The following CCDC171 variants were observed in gnomAD, a reference collection of about 807,000 sequenced individuals.
The protein encoded by CCDC171 is coiled-coil domain-containing protein 171.
A neutral mutation model predicts 168.2 loss-of-function variants in CCDC171; 177 were observed. That is an observed-to-expected ratio of 1.05 (90% CI 0.93 to 1.19). CCDC171 has a LOEUF of 1.19. CCDC171 is among the 50% of genes most tolerant of loss of function. The probability of loss-of-function intolerance (pLI) is 0.00; values close to 1 mark genes in which losing one functional copy is unlikely to be tolerated. For missense variants in CCDC171, 1,991 were observed against 1,539.0 expected, an observed-to-expected ratio of 1.29 and a Z score of -4.91; for synonymous variants, 687 against 540.8, an observed-to-expected ratio of 1.27 and a Z score of -3.75.
chr9:15,870,960 A>G (rs2131168650), intron 23 of CCDC171, among the ~76,000 whole-genome samples: 1 of 151,506 alleles, frequency 6.6e-6, no homozygotes, highest in African/African-American at 2.4e-5. Context: ...TTATCTTGAA[A>G]TAAATATATT....
intron 3 of CCDC171, among the ~76,000 whole-genome samples, chr9:15,574,433 G>A (rs758816712): frequency 6.6e-6 from 1 of 151,810 alleles, no homozygotes; most frequent in African/African-American, 2.4e-5. Flanking sequence ...GTGAGCCACC[G>A]CGCCTGGCCA....
intron 7 of CCDC171, among the ~76,000 whole-genome samples, chr9:15,624,709 T>C (rs1334916464): frequency 1.3e-5 from 2 of 152,112 alleles, no homozygotes; most frequent in African/African-American, 4.8e-5. Flanking sequence ...ATCCAGTCTA[T>C]CATTGTTGGA....
chr9:15,955,238 T>G (rs1829670013), intron 25 of CCDC171, among the ~76,000 whole-genome samples: 1 of 152,146 alleles, frequency 6.6e-6, no homozygotes, highest in Non-Finnish European at 1.5e-5. Flanking sequence ...CATATGTAGT[T>G]GCTTTTAAAT....
chr9:15,776,702 A>T lies in CCDC171; in HGVS notation c.2672-898A>T, dbSNP rs376090506. On this transcript the variant is annotated intron_variant, in intron 18 of 25. Coordinates refer to ENST00000380701, the MANE Select transcript of CCDC171 (RefSeq NM_173550.4). ...CATTGGTTGATTACCGTCTCAGTCA[A>T]TGTTGCTCTTCAGTTGTTGAATTAT... Among the ~76,000 whole-genome samples, 196 of 152,304 alleles carry T rather than the reference A, an allele frequency of 1.3e-3. 7 individuals carry two copies. The South Asian group carries it at 0.04, about 31-fold the overall frequency.
chr9:15,832,138 T>C (rs150359287), intron 21 of CCDC171, among the ~76,000 whole-genome samples: 2 of 152,338 alleles, frequency 1.3e-5, no homozygotes, highest in East Asian at 1.9e-4. Flanking sequence ...GTCAAGTCTA[T>C]AAAGAATTTT....
the CCDC171 span, among the ~76,000 whole-genome samples, chr9:16,103,916 C>T: frequency 6.6e-6 from 1 of 152,138 alleles, no homozygotes; most frequent in African/African-American, 2.4e-5. Context: ...CAATAAAAAC[C>T]AGCTTTCTCT....
At chr9:16,092,982 T>C in the CCDC171 span, among the ~76,000 whole-genome samples, 1 of 152,020 alleles carries the variant, frequency 6.6e-6, no homozygotes, top group Non-Finnish European at 1.5e-5. Context: ...GCTGTGGGAG[T>C]TCATGGGCCC....
chr9:16,084,825 C>T, the CCDC171 span, among the ~76,000 whole-genome samples: 6 of 152,060 alleles, frequency 3.9e-5, no homozygotes, highest in Non-Finnish European at 7.4e-5. Flanking sequence ...TCCAGAAGGC[C>T]GGTGAGGTAA....
rs372638772 is a variant in CCDC171, at chr9:15,700,116, C to G, written c.1318+4779C>G. 4.7e-4 allele frequency among the ~76,000 whole-genome samples: 72 copies of G among 152,284 alleles called. 1 individual carries two copies. Among genetic ancestry groups the G allele is most frequent in the African/African-American group, 1.6e-3 (68 of 41,566 alleles). ...GGGGGCAGTGCTCATCAGGGAGGCTCCGGTGCACAGGAGCCCATGGAGGGG... is the reference window on the plus strand; with the variant it reads ...GGGGGCAGTGCTCATCAGGGAGGCTGCGGTGCACAGGAGCCCATGGAGGGG... On this transcript the variant is annotated intron_variant, in intron 11 of 25. Coordinates refer to ENST00000380701, the MANE Select transcript of CCDC171 (RefSeq NM_173550.4).
Position 15,564,940 on chromosome 9 carries a change from T to C in CCDC171, c.41+811T>C, listed in dbSNP as rs189613350. Among the ~76,000 whole-genome samples, 258 of 152,314 alleles carry C rather than the reference T, an allele frequency of 1.7e-3. 1 individual carries two copies. The highest frequency in any genetic ancestry group is 5.4e-3 in the African/African-American group (225 of 41,568). On this transcript the variant is annotated intron_variant, in intron 2 of 25. Coordinates refer to ENST00000380701, the MANE Select transcript of CCDC171 (RefSeq NM_173550.4). The stretch of plus-strand genomic sequence containing the variant: ...AAAATCATCATGGATGGGGTGAAGA[T>C]AGTCCTTCCTCATATTTAGTTTGAG...
intron 24 of CCDC171, among the ~76,000 whole-genome samples, chr9:15,911,890 C>G (rs1291533989): frequency 6.6e-6 from 1 of 152,144 alleles, no homozygotes; most frequent in Non-Finnish European, 1.5e-5. Context: ...GGCCTCTGTT[C>G]TGTTGCATTG....
chr9:15,653,166 TCTCGTTCC>T (rs201903310), intron 7 of CCDC171, among the ~76,000 whole-genome samples: 1,956 of 152,234 alleles, frequency 0.013, 33 homozygotes, highest in African/African-American at 0.043. Flanking sequence ...TTAGCTGGGG[TCTCGTTCC>T]TCTTGCCTAG....
chr9:16,075,845 T>G, the CCDC171 span, among the ~76,000 whole-genome samples: 2 of 152,034 alleles, frequency 1.3e-5, no homozygotes, highest in African/African-American at 4.8e-5. Flanking sequence ...AAAGAGAGAA[T>G]AGCATAGCAT....
chr9:15,815,461 T>C lies in CCDC171; in HGVS notation c.3267+30767T>C, dbSNP rs1314989779. On this transcript the variant is annotated intron_variant, in intron 21 of 25. Coordinates refer to ENST00000380701, the MANE Select transcript of CCDC171 (RefSeq NM_173550.4). ...TACAAAGAATATGTGTTTAAAAATTTCAAATGGAGTAATCATTATACTAAT... is the reference window on the plus strand; with the variant it reads ...TACAAAGAATATGTGTTTAAAAATTCCAAATGGAGTAATCATTATACTAAT... 1.8e-5 allele frequency among the ~76,000 whole-genome samples: 2 copies of C among 112,244 alleles called. 1 individual carries two copies. The highest frequency in any genetic ancestry group is 3.9e-5 in the Non-Finnish European group (2 of 50,826). 73.6% of individuals were successfully genotyped at this position (112,244 alleles called of 152,430 possible).
At chr9:15,726,889 T>G (rs2053842643) in intron 14 of CCDC171, among the ~76,000 whole-genome samples, 1 of 152,124 alleles carries the variant, frequency 6.6e-6, no homozygotes, top group Admixed American at 6.6e-5. Context: ...GCTTTACAAT[T>G]ACCTTGTCTT....
intron 25 of CCDC171, among the ~76,000 whole-genome samples, chr9:15,942,456 A>AGAAAG (rs533504326): frequency 1.3e-5 from 2 of 151,868 alleles, no homozygotes; most frequent in Admixed American, 1.3e-4. Context: ...TAAGGGAAGG[A>AGAAAG]GAAAGGAAAG....
In CCDC171 at chr9:15,657,150, A is replaced by G; in HGVS notation, c.846A>G (p.Lys282=). 1 of 1,608,300 alleles carries G rather than the reference A, an allele frequency of 6.2e-7. No homozygotes were observed. Among genetic ancestry groups the G allele is most frequent in the South Asian group, 1.1e-5 (1 of 90,682 alleles). Residue 282 remains lysine, a synonymous_variant, in exon 8 of 26, where the codon AAA becomes AAG. Transcript: ENST00000380701. ...EFEATTLRVR[K]LEENIEAERA... ...AGGCAACTACTCTAAGAGTGAGGAA[A>G]TTAGAAGAAAACATTGAAGCAGAAA...
chr9:15,815,419 C>CTT (rs59112774), intron 21 of CCDC171, among the ~76,000 whole-genome samples: 2 of 83,906 alleles, frequency 2.4e-5, no homozygotes, highest in African/African-American at 9.4e-5. Flanking sequence ...ACTTCTTTTA[C>CTT]TTTTTTTTTT....
rs780624373 is a variant in CCDC171, at chr9:15,841,181, C to T, written c.3268-5521C>T. Among the ~76,000 whole-genome samples the T allele has an allele frequency of 8.6e-5, 13 of 151,946 alleles. 1 individual carries two copies. Among genetic ancestry groups the T allele is most frequent in the Non-Finnish European group, 1.3e-4 (9 of 67,928 alleles). On this transcript the variant is annotated intron_variant, in intron 21 of 25. Transcript: ENST00000380701. ...TCACATGGCCTATTTATAAAAGTAACGTATTTTACACTCTTCTTTGTTAAT... is the reference window on the plus strand; with the variant it reads ...TCACATGGCCTATTTATAAAAGTAATGTATTTTACACTCTTCTTTGTTAAT...
Sources: gnomAD v4.1 joint callset for allele counts (sites outside exome capture counted in the v4.1 genomes callset) on GRCh38, gnomAD v4.1.1 for gene constraint, MANE v1.5 for transcripts, NCBI Gene and HGNC (gene_info 2026-07-23, HGNC 2026-07-21) for gene names.